TYK2: variants seen among roughly 807,000 people sequenced by gnomAD.
TYK2 encodes the protein tyrosine kinase 2.
TYK2 carries 65 observed loss-of-function variants against 130.9 expected under a neutral mutation model. That is an observed-to-expected ratio of 0.50 (90% CI 0.41 to 0.61). The LOEUF (loss-of-function observed/expected upper bound fraction) is 0.61, where lower values mean the gene tolerates loss of function less well. Ranked by LOEUF, TYK2 falls within the 20% of genes least tolerant of loss-of-function variation. The pLI is 0.00. For synonymous variants in TYK2, 647 were observed against 658.9 expected, an observed-to-expected ratio of 0.98 and a Z score of 0.28; for missense variants, 1,378 against 1,610.7, an observed-to-expected ratio of 0.86 and a Z score of 2.47.
rs1410642114 is a variant in TYK2 at position 10,367,524 on chromosome 19, C to T, written c.465+531G>A. ...TCTGTAATCTCAGTTACTTGGGAGG[C>T]TGAGGTGGAAGAATCGCTTCAACCT... On this transcript the variant is annotated intron_variant, in intron 5 of 24. Transcript: ENST00000525621. Among the ~76,000 whole-genome samples the T allele has an allele frequency of 2.6e-5, 4 of 152,040 alleles. No homozygotes were observed. In the East Asian group the frequency reaches 7.7e-4, roughly 29 times the overall value.
rs766488790 is a variant in TYK2 at position 10,352,566 on chromosome 19, G to A, written c.3201-15C>T. ...CTGGGGCATACCTAGGGGGAGGGGG[G>A]CACTCAGGCCACGGGGGGCTGCACT... is the stretch of plus-strand genomic sequence containing the variant. On this transcript the variant is annotated splice_polypyrimidine_tract_variant and intron_variant, in intron 22 of 24. Coordinates refer to ENST00000525621, the MANE Select transcript of TYK2 (RefSeq NM_003331.5). 2.5e-5 allele frequency: 30 copies of A among 1,220,230 alleles called. No individual in the cohort carries two copies. The South Asian group carries it at 3.6e-4, about 15-fold the overall frequency. 75.6% of individuals were successfully genotyped at this position (1,220,230 alleles called of 1,614,324 possible).
At chr19:10,357,349 A>G in intron 17 of TYK2, 1 of 620,630 alleles carries the variant, frequency 1.6e-6, no homozygotes, top group South Asian at 1.9e-5. Context: ...AGATCACGCC[A>G]TTGCATTCCA....
At chr19:10,354,434 T>C in intron 19 of TYK2, 78 bp downstream of exon 19, 1 of 1,457,148 alleles carries the variant, frequency 6.9e-7, no homozygotes, top group Non-Finnish European at 9.6e-7. Context: ...AGAATCACCT[T>C]AGGTAGGAAT....
Position 10,364,025 on chromosome 19 carries a change from G to A in TYK2, c.1367+589C>T, listed in dbSNP as rs1347055255. On this transcript the variant is annotated intron_variant, in intron 9 of 24. Coordinates refer to ENST00000525621, the MANE Select transcript of TYK2 (RefSeq NM_003331.5). The surrounding 1 kb of genome is among the most constrained non-coding windows in gnomAD (Gnocchi z 4.9). Reference sequence around the variant, plus strand: ...TGCACCTGATGATGACATAAGTACCGACAACTTCACGCCCTCAGGCCCACA... The same window carrying A: ...TGCACCTGATGATGACATAAGTACCAACAACTTCACGCCCTCAGGCCCACA... Among the ~76,000 whole-genome samples, 5 of 152,190 alleles carry A rather than the reference G, an allele frequency of 3.3e-5. No individual in the cohort carries two copies. Among genetic ancestry groups the A allele is most frequent in the African/African-American group, 7.2e-5 (3 of 41,438 alleles).
Position 10,353,743 on chromosome 19 carries a change from G to T in TYK2, c.2909-97C>A. ...GCAGAGCCCCTCCAAGGTCGGGAGG[G>T]AAGGCCAAGACCCGCGCACACTAGA... On this transcript the variant is annotated intron_variant, in intron 20 of 24. Coordinates refer to ENST00000525621, the MANE Select transcript of TYK2 (RefSeq NM_003331.5). The surrounding 1 kb of genome is among the most constrained non-coding windows in gnomAD (Gnocchi z 6.9). The T allele has an allele frequency of 2.1e-6, 2 of 930,560 alleles. No individual in the cohort carries two copies. Among genetic ancestry groups the T allele is most frequent in the East Asian group, 2.6e-5 (1 of 38,186 alleles). The allele number at this position is 930,560 out of a possible 1,614,324, so 57.6% of individuals were successfully genotyped here. A position where few individuals can be genotyped will look rare whatever the true frequency, so the allele number is the denominator to read the frequency against.
In TYK2 at chr19:10,353,872, A is replaced by C. The variant is rs1043553040; in HGVS notation, c.2908+170T>G. On this transcript the variant is annotated intron_variant, in intron 20 of 24. Coordinates refer to ENST00000525621, the MANE Select transcript of TYK2 (RefSeq NM_003331.5). The surrounding 1 kb of genome is among the most constrained non-coding windows in gnomAD (Gnocchi z 6.9). ...GGCCCCAGCAGGTAGCACCCCCCAG[A>C]TGGGAAGGAGGCAGCCCAGCCACGC... 4 of 781,696 alleles carry C rather than the reference A, an allele frequency of 5.1e-6. No homozygotes were observed. The East Asian group carries it at 1.1e-4, about 21-fold the overall frequency. 48.4% of individuals were successfully genotyped at this position (781,696 alleles called of 1,614,324 possible). A position where few individuals can be genotyped will look rare whatever the true frequency, so the allele number is the denominator to read the frequency against.
intron 3 of TYK2, among the ~76,000 whole-genome samples, chr19:10,375,665 C>G (rs2042087238): frequency 6.6e-6 from 1 of 151,494 alleles, no homozygotes; most frequent in Admixed American, 6.6e-5. Flanking sequence ...ACCTGTAATC[C>G]CAGCACTTTG....
In TYK2 at chr19:10,353,051, G is replaced by C; in HGVS notation, c.3075C>G (p.Ala1025=). 6.3e-7 allele frequency: 1 copy of C among 1,590,754 alleles called. No individual in the cohort carries two copies. The highest frequency in any genetic ancestry group is 1.7e-4 in the Middle Eastern group (1 of 5,976). The change falls in exon 22 of 25, where the codon GCC becomes GCG. Residue 1025 remains alanine, a synonymous_variant. Transcript: ENST00000525621. The surrounding 1 kb of genome is among the most constrained non-coding windows in gnomAD (Gnocchi z 6.9). ...HAQHYIHRDL[A]ARNVLLDNDR... ...CGTTGTCCAGCAGCACGTTGCGCGC[G>C]GCTAGGTCTCGGTGGATGTAGTGCT...
At chr19:10,360,153 G>A (rs532623642) in intron 14 of TYK2, among the ~76,000 whole-genome samples, 2 of 152,066 alleles carry the variant, frequency 1.3e-5, no homozygotes, top group South Asian at 4.2e-4. Flanking sequence ...CTGTATTCCA[G>A]CCTGGGTGAC....
At position 10,364,601 on chromosome 19, in the gene TYK2, A is replaced by C. The variant is rs1599349325; in HGVS notation, c.1367+13T>G. On this transcript the variant is annotated intron_variant, in intron 9 of 24. Transcript: ENST00000525621. This position sits in a 1 kb window ranked among gnomAD's most constrained non-coding sequence, Gnocchi z 4.9. ...TTGGCGGTGGCCCCCAGCGCCCCCC[A>C]CCCAGCACTCACAGCAGGGGTCCGT... The C allele has an allele frequency of 1.2e-6, 2 of 1,613,288 alleles. No homozygotes were observed. The highest frequency in any genetic ancestry group is 1.7e-6 in the Non-Finnish European group (2 of 1,179,892).
At position 10,361,892 on chromosome 19, in the gene TYK2, T is replaced by A; in HGVS notation, c.1837A>T (p.Ser613Cys). Residue 613 changes from serine to cysteine, a missense_variant, in exon 13 of 25, where the codon AGC (serine) becomes TGC (cysteine). Transcript: ENST00000525621. This position sits in a 1 kb window ranked among gnomAD's most constrained non-coding sequence, Gnocchi z 4.0. ...VYEGRLRVEG[S>C]GDPEEGKMDD... is the part of the protein sequence containing the mutation. ...ATCTTGCCCTCCTCAGGGTCCCCGC[T>A]GCCCTCCACTCGCAGGCGGCCCTCA... 1 of 1,614,066 alleles carries A rather than the reference T, an allele frequency of 6.2e-7. No homozygotes were observed. Among genetic ancestry groups the A allele is most frequent in the Non-Finnish European group, 8.5e-7 (1 of 1,180,000 alleles).
At position 10,350,871 on chromosome 19, in the gene TYK2, T is replaced by A. The variant is rs769105292; in HGVS notation, c.3527A>T (p.Tyr1176Phe). 1 of 1,614,076 alleles carries A rather than the reference T, an allele frequency of 6.2e-7. No individual in the cohort carries two copies. Among genetic ancestry groups the A allele is most frequent in the South Asian group, 1.1e-5 (1 of 91,074 alleles). ...IPILKTVHEK[Y>F]QGQAPSVFSV... ...GAACACTGAAGGGGCCTGGCCTTGG[T>A]ACTTCTCATGGACTGTCTTCAGAAT... Residue 1176 changes from tyrosine to phenylalanine, a missense_variant, in exon 25 of 25, where the codon TAC becomes TTC. Coordinates refer to ENST00000525621, the MANE Select transcript of TYK2 (RefSeq NM_003331.5).
chr19:10,368,265 G>A, intron 4 of TYK2, 30 bp downstream of exon 4: 1 of 1,614,190 alleles, frequency 6.2e-7, no homozygotes, highest in Non-Finnish European at 8.5e-7. Context: ...AGCACAGGAG[G>A]GGACGAGCTT....
intron 3 of TYK2, among the ~76,000 whole-genome samples, chr19:10,376,552 C>T (rs539375809): frequency 8.3e-6 from 1 of 120,402 alleles, no homozygotes; most frequent in South Asian, 3.0e-4. Flanking sequence ...AGGTGATCTG[C>T]CCGCCTCAGC....
rs773382803 is a variant in TYK2, at chr19:10,378,381, G to A, written c.26C>T (p.Ala9Val). 11 of 1,611,576 alleles carry A rather than the reference G, an allele frequency of 6.8e-6. No homozygotes were observed. In the South Asian group the frequency reaches 1.2e-4, roughly 18 times the overall value. ...ATCCCCAACGGGCTTACTGCCCCTG[G>A]CCATCCCCCAGTGGCGCAGAGGCAT... MPLRHWGM[A>V]RGSKPVGDGA... is the part of the protein sequence containing the mutation. Residue 9 changes from alanine (A) to valine (V), a missense_variant, in exon 3 of 25, where the codon GCC becomes GTC. By Grantham distance (64) the Ala-to-Val change is moderately conservative (BLOSUM62 0). Transcript: ENST00000525621.
At chr19:10,356,829 A>C (rs1244224593) in intron 17 of TYK2, 111 bp from the exon 18 acceptor site, 1 of 1,166,268 alleles carries the variant, frequency 8.6e-7, no homozygotes, top group African/African-American at 1.5e-5. Context: ...CGCTCTTATC[A>C]GTTCCATTAT....
chr19:10,373,946 C>T (rs1026395885), intron 3 of TYK2, among the ~76,000 whole-genome samples: 1 of 152,098 alleles, frequency 6.6e-6, no homozygotes, highest in African/African-American at 2.4e-5. Flanking sequence ...TTTCACATCA[C>T]CCGCACACCT....
chr19:10,364,685 G>C lies in TYK2; in HGVS notation c.1296C>G (p.His432Gln), dbSNP rs1485432796. 3.7e-6 allele frequency: 6 copies of C among 1,613,842 alleles called. No individual in the cohort carries two copies. Among genetic ancestry groups the C allele is most frequent in the Non-Finnish European group, 5.1e-6 (6 of 1,180,002 alleles). Residue 432 changes from histidine (H) to glutamine (Q), a missense_variant, in exon 9 of 25, where the codon CAC becomes CAG. Physicochemically the swap from His to Gln is conservative, Grantham distance 24 (BLOSUM62 0). Transcript: ENST00000525621. This position sits in a 1 kb window ranked among gnomAD's most constrained non-coding sequence, Gnocchi z 4.9. ...GYFRLTADSS[H>Q]YLCHEVAPPR... ...GGGGAGCCACCTCGTGGCACAGGTA[G>C]TGGCTGGAGTCGGCCGTCAGGCGGA... is the stretch of plus-strand genomic sequence containing the variant.
At chr19:10,357,396 A>G in intron 17 of TYK2, 1 of 639,814 alleles carries the variant, frequency 1.6e-6, no homozygotes, top group Middle Eastern at 2.5e-4. Flanking sequence ...TCTCAAAATA[A>G]AACCACCACA....
Sources: allele counts gnomAD v4.1 joint callset (sites outside exome capture counted in the v4.1 genomes callset), GRCh38; gene constraint gnomAD v4.1.1; non-coding constraint Gnocchi (gnomAD v3.1); transcripts MANE v1.5; gene names NCBI Gene and HGNC (gene_info 2026-07-23, HGNC 2026-07-21).